Variants in PRDM8 observed in about 807,000 individuals in gnomAD.
PRDM8 encodes the protein PR/SET domain 8, also known as PR domain zinc finger protein 8.
In PRDM8, 13 loss-of-function variants were observed where a neutral mutation model predicts 46.5. That is an observed-to-expected ratio of 0.28 (90% CI 0.18 to 0.44). The LOEUF (loss-of-function observed/expected upper bound fraction) is 0.44, where lower values mean the gene tolerates loss of function less well. PRDM8 is among the 20% of genes least tolerant of loss of function. PRDM8 has a pLI of 1.00. For synonymous variants in PRDM8, 473 were observed against 438.4 expected (o/e 1.08, Z -0.98); for missense variants, 998 against 955.0 (o/e 1.04, Z -0.59).
upstream of PRDM8, chr4:80,196,223 T>C: frequency 4.3e-6 from 4 of 924,078 alleles, no homozygotes; most frequent in Non-Finnish European, 5.2e-6. Flanking sequence ...CCTCCTCCAC[T>C]TTAGCTAGCT....
upstream of PRDM8, among the ~76,000 whole-genome samples, chr4:80,193,590 A>G (rs1737711221): frequency 6.6e-6 from 1 of 152,234 alleles, no homozygotes; most frequent in African/African-American, 2.4e-5. Flanking sequence ...ACAAGTAGTC[A>G]GTAAAGTTTA....
At chr4:80,195,928 C>CACACACACAGAGAGAGAGAGAGAGAGAG (rs373592223), upstream of PRDM8, 1 of 139,878 alleles carries the variant, frequency 7.1e-6, no homozygotes, top group Non-Finnish European at 1.3e-5. Flanking sequence ...CACACACACA[C>CACACACACAGAGAGAGAGAGAGAGAGAG]AGAGAGAGAG....
In PRDM8 at chr4:80,198,987, TTTTTTTG is replaced by T. The variant is rs1560472785; in HGVS notation, c.-2-1085_-2-1079del. Among the ~76,000 whole-genome samples, 315 of 101,552 alleles carry T rather than the reference TTTTTTTG, an allele frequency of 3.1e-3. 6 individuals are homozygous for T. Among genetic ancestry groups the T allele is most frequent in the Admixed American group, 0.011 (90 of 8,556 alleles). 66.6% of individuals were successfully genotyped at this position (101,552 alleles called of 152,430 possible). On this transcript the variant is annotated intron_variant, in intron 1 of 3. Coordinates refer to ENST00000415738, the MANE Select transcript of PRDM8 (RefSeq NM_001099403.2). ...ATACCTGGGTTTTTTTGGGTTTTTTTTTTTTTGTTTTTTTTTTTTTTTTTTTTTTTTA... is the reference window on the plus strand; with the variant it reads ...ATACCTGGGTTTTTTTGGGTTTTTTTTTTTTTTTTTTTTTTTTTTTTTTTA...
chr4:80,197,416 A>G (rs1738044903), upstream of PRDM8: 1 of 983,804 alleles, frequency 1.0e-6, no homozygotes, highest in Non-Finnish European at 1.2e-6. Flanking sequence ...GGCCCAGCAA[A>G]GAGTTAAAGG....
At position 80,202,134 on chromosome 4, in the gene PRDM8, T is replaced by C; in HGVS notation, c.672T>C (p.Gly224=). 1 of 1,597,846 alleles carries C rather than the reference T, an allele frequency of 6.3e-7. No individual in the cohort carries two copies. The highest frequency in any genetic ancestry group is 8.5e-7 in the Non-Finnish European group (1 of 1,175,858). The stretch of plus-strand genomic sequence containing the variant: ...AGCAGGAGGCACCTTTAGGCCCGGG[T>C]CCCAAGTTTTGCAAAGCCGGCCCCC... ...QQQQEAPLGP[G]PKFCKAGPLH... is the part of the protein sequence containing the mutation. The change falls in exon 4 of 4, where the codon GGT becomes GGC. Residue 224 remains glycine (G), a synonymous_variant. Coordinates refer to ENST00000415738, the MANE Select transcript of PRDM8 (RefSeq NM_001099403.2).
intron 1 of PRDM8, among the ~76,000 whole-genome samples, chr4:80,199,584 A>G (rs1026994025): frequency 6.6e-6 from 1 of 151,990 alleles, no homozygotes; most frequent in Admixed American, 6.6e-5. Flanking sequence ...GAAAAAAATC[A>G]GCTCCCGGGC....
upstream of PRDM8, chr4:80,196,940 C>A (rs369339573): frequency 1.0e-6 from 1 of 985,454 alleles, no homozygotes; most frequent in Non-Finnish European, 1.2e-6. Flanking sequence ...CTCACCAAAG[C>A]GCATCCTTTC....
intron 1 of PRDM8, among the ~76,000 whole-genome samples, chr4:80,187,042 T>A (rs532544823): frequency 6.6e-6 from 1 of 152,156 alleles, no homozygotes; most frequent in South Asian, 2.1e-4. Context: ...GGGATGAGAT[T>A]TATGGCCAGG....
chr4:80,198,944 G>T (rs1346810271), intron 1 of PRDM8, among the ~76,000 whole-genome samples: 1 of 134,970 alleles, frequency 7.4e-6, no homozygotes, highest in Non-Finnish European at 1.5e-5. Context: ...CTAGTTCAAA[G>T]CTAGTTTAAA....
Position 80,197,682 on chromosome 4 carries a change from A to G in PRDM8, c.-84A>G, listed in dbSNP as rs1275852733. 5 of 983,178 alleles carry G rather than the reference A, an allele frequency of 5.1e-6. No homozygotes were observed. The highest frequency in any genetic ancestry group is 4.8e-6 in the Non-Finnish European group (4 of 827,648). The allele number at this position is 983,178 out of a possible 1,614,324, so 60.9% of individuals were successfully genotyped here. ...CTTGACATGGAAATACACTGATACA[A>G]TAGGCAAAAGGAAACACTCGATTGC... On this transcript the variant is annotated 5_prime_UTR_variant, in exon 1 of 4. Coordinates refer to ENST00000415738, the MANE Select transcript of PRDM8 (RefSeq NM_001099403.2).
chr4:80,193,959 A>G (rs1315015256), upstream of PRDM8, among the ~76,000 whole-genome samples: 1 of 152,238 alleles, frequency 6.6e-6, no homozygotes, highest in Non-Finnish European at 1.5e-5. Context: ...CTTTACGTGA[A>G]TTATTCTTGG....
chr4:80,198,985 TTTTTTTTTG>T (rs1324652513), intron 1 of PRDM8, among the ~76,000 whole-genome samples: 3,383 of 101,720 alleles, frequency 0.033, 126 homozygotes, highest in African/African-American at 0.085. Context: ...TTTGGGTTTT[TTTTTTTTTG>T]TTTTTTTTTT....
intron 1 of PRDM8, among the ~76,000 whole-genome samples, chr4:80,186,430 G>GAAGAGAGAGAGAGA (rs1553902894): frequency 7.7e-6 from 1 of 129,920 alleles, no homozygotes; most frequent in Non-Finnish European, 1.6e-5. Context: ...AAGGCAGGGT[G>GAAGAGAGAGAGAGA]GAGAGAGAGA....
At chr4:80,199,460 G>C (rs748326403) in intron 1 of PRDM8, among the ~76,000 whole-genome samples, 30 of 152,142 alleles carry the variant, frequency 2.0e-4, no homozygotes, top group Non-Finnish European at 3.5e-4. Context: ...GTAGGCTGCA[G>C]AGAAAGGTTA....
At chr4:80,189,549 A>G (rs1737388902) in intron 1 of PRDM8, among the ~76,000 whole-genome samples, 1 of 152,192 alleles carries the variant, frequency 6.6e-6, no homozygotes, top group Non-Finnish European at 1.5e-5. Flanking sequence ...AAGTGGGTTC[A>G]CAATACAGTT....
At chr4:80,186,554 G>A (rs1480467394) in intron 1 of PRDM8, among the ~76,000 whole-genome samples, 1 of 149,566 alleles carries the variant, frequency 6.7e-6, no homozygotes, top group Non-Finnish European at 1.5e-5. Context: ...AGCTCTGGGC[G>A]GGTAGGGTCT....
intron 1 of PRDM8, 49 bp downstream of exon 1, chr4:80,197,812 T>C (rs2292840): frequency 3.1e-6 from 3 of 978,392 alleles, no homozygotes; most frequent in East Asian, 2.3e-4. Context: ...GAAGACAGTT[T>C]GGTGGAAAGA....
intron 2 of PRDM8, among the ~76,000 whole-genome samples, chr4:80,191,999 C>T (rs1737584452): frequency 6.6e-6 from 1 of 152,184 alleles, no homozygotes; most frequent in Non-Finnish European, 1.5e-5. Flanking sequence ...CTTTGTCTCT[C>T]TCTTTCTTCC....
intron 3 of PRDM8, 51 bp from the exon 4 acceptor site, chr4:80,201,859 CGTGT>C (rs141824276): frequency 2.0e-4 from 276 of 1,402,922 alleles, no homozygotes; most frequent in South Asian, 9.4e-4. Flanking sequence ...ATGTGGTGTG[CGTGT>C]GTGTGTGTGT....
Sources: allele counts gnomAD v4.1 joint callset (sites outside exome capture counted in the v4.1 genomes callset), GRCh38; gene constraint gnomAD v4.1.1; transcripts MANE v1.5; gene names NCBI Gene and HGNC (gene_info 2026-07-23, HGNC 2026-07-21).